GRID1: variants seen among roughly 807,000 people sequenced by gnomAD.
GRID1 encodes the protein glutamate ionotropic receptor delta type subunit 1.
GRID1 carries 28 observed loss-of-function variants against 98.0 expected under a neutral mutation model. The ratio of observed to expected loss-of-function variants is 0.29; its 90% CI spans 0.21 to 0.39. The LOEUF (loss-of-function observed/expected upper bound fraction) is 0.39. Ranked by LOEUF, GRID1 falls within the 10% of genes least tolerant of loss-of-function variation. The pLI is 1.00. For missense variants in GRID1, 1,111 were observed against 1,340.5 expected (o/e 0.83, Z 2.67); for synonymous variants, 553 against 538.5 (o/e 1.03, Z -0.37).
At chr10:86,188,688 C>T (rs559019327) in intron 3 of GRID1, among the ~76,000 whole-genome samples, 3 of 152,300 alleles carry the variant, frequency 2.0e-5, no homozygotes. Context: ...TTCTTCTCAT[C>T]ATCCATCACC....
At chr10:85,714,100 T>G (rs1841611594) in intron 12 of GRID1, among the ~76,000 whole-genome samples, 1 of 152,082 alleles carries the variant, frequency 6.6e-6, no homozygotes, top group African/African-American at 2.4e-5. Context: ...TAATATTCTT[T>G]GCAGCAACAT....
At chr10:85,731,265 C>T (rs550204791) in intron 8 of GRID1, among the ~76,000 whole-genome samples, 1 of 151,914 alleles carries the variant, frequency 6.6e-6, no homozygotes, top group South Asian at 2.1e-4. Context: ...CCCACTCCAT[C>T]CTGAATAATA....
chr10:86,306,581 C>T (rs2132085254), intron 2 of GRID1, among the ~76,000 whole-genome samples: 1 of 152,300 alleles, frequency 6.6e-6, no homozygotes, highest in South Asian at 2.1e-4. Context: ...GGCTCAGTTC[C>T]CTCCAATCTC....
intron 8 of GRID1, among the ~76,000 whole-genome samples, chr10:85,816,080 T>A (rs11498997): frequency 0.069 from 10,539 of 152,114 alleles, 401 homozygotes; most frequent in Non-Finnish European, 0.081. Flanking sequence ...TTGGTGGAAA[T>A]GCAAAATTAT....
chr10:85,908,657 C>A (rs1282282704), intron 5 of GRID1, among the ~76,000 whole-genome samples: 2 of 152,180 alleles, frequency 1.3e-5, no homozygotes, highest in Non-Finnish European at 1.5e-5. Flanking sequence ...AAATCCCAGT[C>A]AGCTTTTTTT....
At chr10:86,305,347 C>A (rs1847745084) in intron 2 of GRID1, among the ~76,000 whole-genome samples, 1 of 152,218 alleles carries the variant, frequency 6.6e-6, no homozygotes, top group South Asian at 2.1e-4. Flanking sequence ...CCTGTGCCTG[C>A]TCTGAGATGT....
rs374665910 is a variant in GRID1 at position 85,771,700 on chromosome 10, C to A, written c.1234-42086G>T. 2.7e-4 allele frequency among the ~76,000 whole-genome samples: 41 copies of A among 152,248 alleles called. No homozygotes were observed. In the East Asian group the frequency reaches 5.6e-3, roughly 21 times the overall value. ...AGTCTCTGATAAACAGACTTTAAACCAGCAAATATCAAAAGAGACAAAGGC... is the reference window on the plus strand; with the variant it reads ...AGTCTCTGATAAACAGACTTTAAACAAGCAAATATCAAAAGAGACAAAGGC... On this transcript the variant is annotated intron_variant, in intron 8 of 15. Coordinates refer to ENST00000327946, the MANE Select transcript of GRID1 (RefSeq NM_017551.3).
At chr10:86,123,883 G>A (rs370827842) in intron 4 of GRID1, among the ~76,000 whole-genome samples, 115 of 152,290 alleles carry the variant, frequency 7.6e-4, no homozygotes, top group African/African-American at 2.7e-3. Context: ...TCACCCCTGC[G>A]AACTTGCTCT....
intron 5 of GRID1, among the ~76,000 whole-genome samples, chr10:85,892,217 A>C (rs960265073): frequency 2.8e-5 from 3 of 106,112 alleles, no homozygotes; most frequent in African/African-American, 1.2e-4. Context: ...AAAAAAAAAC[A>C]AAAAAAAAAA....
At chr10:86,132,521 T>C (rs763798288) in intron 4 of GRID1, among the ~76,000 whole-genome samples, 3 of 152,250 alleles carry the variant, frequency 2.0e-5, no homozygotes, top group Non-Finnish European at 2.9e-5. Context: ...TGCAGGGCCA[T>C]ATTCAAAAAT....
chr10:86,210,100 G>C (rs551232437), intron 2 of GRID1, among the ~76,000 whole-genome samples: 51 of 152,244 alleles, frequency 3.3e-4, no homozygotes, highest in African/African-American at 1.2e-3. Context: ...CTGGAGGAGA[G>C]AGAAAGGAAG....
At chr10:86,011,594 C>A (rs887770056) in intron 4 of GRID1, among the ~76,000 whole-genome samples, 1 of 152,060 alleles carries the variant, frequency 6.6e-6, no homozygotes, top group Admixed American at 6.5e-5. Context: ...GATGTATGAA[C>A]TGAACATAAA....
At chr10:86,094,004 AG>A (rs1844184657) in intron 4 of GRID1, among the ~76,000 whole-genome samples, 1 of 152,250 alleles carries the variant, frequency 6.6e-6, no homozygotes, top group East Asian at 1.9e-4. Flanking sequence ...ACCATGATCA[AG>A]TGGGTTTCAT....
At chr10:85,961,501 C>T (rs540448280) in intron 4 of GRID1, among the ~76,000 whole-genome samples, 2 of 152,028 alleles carry the variant, frequency 1.3e-5, no homozygotes, top group African/African-American at 4.8e-5. Context: ...CACCAACCAC[C>T]GTCTGTCCTC....
At chr10:85,991,768 A>C (rs1842683197) in intron 4 of GRID1, among the ~76,000 whole-genome samples, 1 of 152,218 alleles carries the variant, frequency 6.6e-6, no homozygotes, top group Non-Finnish European at 1.5e-5. Flanking sequence ...GGGTGAAATC[A>C]GTAGACAAAT....
At chr10:86,213,505 T>C (rs1162044380) in intron 2 of GRID1, among the ~76,000 whole-genome samples, 1 of 152,124 alleles carries the variant, frequency 6.6e-6, no homozygotes, top group Non-Finnish European at 1.5e-5. Context: ...CACCTCCCTG[T>C]CTGTGCTGAA....
At chr10:85,780,505 T>C (rs1842372221) in intron 8 of GRID1, among the ~76,000 whole-genome samples, 1 of 152,214 alleles carries the variant, frequency 6.6e-6, no homozygotes, top group Non-Finnish European at 1.5e-5. Flanking sequence ...GCACATTACT[T>C]AACCTCACTC....
In GRID1 at chr10:86,062,530, C is replaced by T. The variant is rs557923282; in HGVS notation, c.726+76289G>A. 9.2e-5 allele frequency among the ~76,000 whole-genome samples: 14 copies of T among 152,250 alleles called. No homozygotes were observed. The South Asian group carries it at 2.9e-3, about 32-fold the overall frequency. ...CTTAGGAAAGACTTGTACCAGAACC[C>T]TCATTTCAAGGTCTGCTTGGAAGAA... On this transcript the variant is annotated intron_variant, in intron 4 of 15. Coordinates refer to ENST00000327946, the MANE Select transcript of GRID1 (RefSeq NM_017551.3).
chr10:85,756,658 T>C (rs764174040), intron 8 of GRID1, among the ~76,000 whole-genome samples: 3 of 152,202 alleles, frequency 2.0e-5, no homozygotes, highest in Non-Finnish European at 4.4e-5. Context: ...AACTTACAAA[T>C]TGTTTATTTC....
Sources: gnomAD v4.1 joint callset for allele counts (sites outside exome capture counted in the v4.1 genomes callset) on GRCh38, gnomAD v4.1.1 for gene constraint, MANE v1.5 for transcripts, NCBI Gene and HGNC (gene_info 2026-07-23, HGNC 2026-07-21) for gene names.